TMEM120B: variants seen among roughly 807,000 people sequenced by gnomAD.
The protein encoded by TMEM120B is transmembrane protein 120B.
A neutral mutation model predicts 55.5 loss-of-function variants in TMEM120B; 31 were observed. That is an observed-to-expected ratio of 0.56 (90% CI 0.42 to 0.75). The LOEUF is 0.75. Among genes scored for constraint, TMEM120B ranks in the 30% least tolerant of loss-of-function variants. TMEM120B has a pLI of 0.00. For missense variants in TMEM120B, 399 were observed against 425.5 expected, an observed-to-expected ratio of 0.94 and a Z score of 0.55; for synonymous variants, 203 against 176.3, an observed-to-expected ratio of 1.15 and a Z score of -1.20.
intron 6 of TMEM120B, among the ~76,000 whole-genome samples, chr12:121,765,677 T>C (rs868814459): frequency 4.6e-5 from 7 of 152,288 alleles, no homozygotes; most frequent in Middle Eastern, 3.4e-3. Context: ...CTACAGGAGC[T>C]GGGGCCAGCT....
At chr12:121,713,234 T>TCGCTGCA (rs1371941326) in intron 1 of TMEM120B, among the ~76,000 whole-genome samples, 1 of 152,128 alleles carries the variant, frequency 6.6e-6, no homozygotes, top group Non-Finnish European at 1.5e-5. Context: ...TGCAGAAAGT[T>TCGCTGCA]GGTCTGTGGC....
At chr12:121,766,704 A>C (rs1334634842) in intron 6 of TMEM120B, among the ~76,000 whole-genome samples, 1 of 152,194 alleles carries the variant, frequency 6.6e-6, no homozygotes, top group Non-Finnish European at 1.5e-5. Flanking sequence ...ACCCAGACTG[A>C]GTGTGGGGGT....
chr12:121,748,144 G>GGC (rs1873153761), intron 2 of TMEM120B, among the ~76,000 whole-genome samples, 182 bp from the exon 3 acceptor site: 1 of 65,052 alleles, frequency 1.5e-5, no homozygotes, highest in Non-Finnish European at 3.2e-5. Flanking sequence ...GAAGGTGGGA[G>GGC]GCTGGGGTAG....
rs971000256 is a variant in TMEM120B, at chr12:121,746,798, C to CA, written c.189-1518dup. ...TGAAACCCCATCTCTTCTAAAAATA[C>CA]AAAAAAAAAATTAGCTGGGCGTGGT... On this transcript the variant is annotated intron_variant, in intron 2 of 11. Transcript: ENST00000449592. Among the ~76,000 whole-genome samples, 68 of 148,382 alleles carry CA rather than the reference C, an allele frequency of 4.6e-4. 1 individual carries two copies. In the East Asian group the frequency reaches 4.7e-3, roughly 10 times the overall value.
chr12:121,766,666 G>A (rs1056807017), intron 6 of TMEM120B, among the ~76,000 whole-genome samples: 6 of 152,198 alleles, frequency 3.9e-5, no homozygotes, highest in Admixed American at 1.3e-4. Flanking sequence ...TCATGTGCTT[G>A]GGTATAAGAC....
chr12:121,748,381 A>G lies in TMEM120B; in HGVS notation c.244A>G (p.Asn82Asp). Residue 82 changes from asparagine to aspartate, a missense_variant, in exon 3 of 12, where the codon AAC (asparagine) becomes GAC (aspartate). Coordinates refer to ENST00000449592, the MANE Select transcript of TMEM120B (RefSeq NM_001080825.2). Reference protein sequence around the residue: ...EAELVQQMAANIKERQDVFFD... With the variant: ...EAELVQQMAADIKERQDVFFD... The stretch of plus-strand genomic sequence containing the variant: ...GGAGCTCGTTCAGCAGATGGCAGCG[A>G]ACATCAAGGAGCGGCAGGACGTCTT... 6.2e-7 allele frequency: 1 copy of G among 1,611,140 alleles called. No homozygotes were observed.
chr12:121,755,130 T>A (rs1053008975), intron 5 of TMEM120B, among the ~76,000 whole-genome samples: 1 of 152,206 alleles, frequency 6.6e-6, no homozygotes, highest in African/African-American at 2.4e-5. Context: ...AGCTAGTGCG[T>A]CCACAGAGCA....
At position 121,712,937 on chromosome 12, in the gene TMEM120B, G is replaced by T; in HGVS notation, c.42G>T (p.Glu14Asp). The change falls in exon 1 of 12, where the codon GAG becomes GAT. Residue 14 changes from glutamate (E) to aspartate (D), a missense_variant. By Grantham distance (45) the Glu-to-Asp change is conservative (BLOSUM62 2). Transcript: ENST00000449592. ...AGCGTTGCGAGCGCGAATGGCACGAGCTGGAGGGAGAATTTCAAGAACTGC... is the reference window on the plus strand; with the variant it reads ...AGCGTTGCGAGCGCGAATGGCACGATCTGGAGGGAGAATTTCAAGAACTGC... ...QLERCEREWH[E>D]LEGEFQELQE... 6.5e-7 allele frequency: 1 copy of T among 1,541,042 alleles called. No individual in the cohort carries two copies. The highest frequency in any genetic ancestry group is 8.7e-7 in the Non-Finnish European group (1 of 1,150,514).
chr12:121,762,136 C>A (rs1270951465), intron 6 of TMEM120B, among the ~76,000 whole-genome samples: 1 of 151,954 alleles, frequency 6.6e-6, no homozygotes, highest in Non-Finnish European at 1.5e-5. Flanking sequence ...ACTAAAAATA[C>A]AAAAAATTAG....
Position 121,779,658 on chromosome 12 carries a change from A to G in TMEM120B, c.*3936A>G, listed in dbSNP as rs763438453. 8.1e-6 allele frequency: 13 copies of G among 1,613,844 alleles called. No individual in the cohort carries two copies. In the South Asian group the frequency reaches 1.4e-4, roughly 18 times the overall value. ...AGCTCGGATCTGTTCGCAGGCGCTC[A>G]GGCCCTGGGTGGGGGGAGGAGCCAG... On this transcript the variant is annotated 3_prime_UTR_variant, in exon 12 of 12. Coordinates refer to ENST00000449592, the MANE Select transcript of TMEM120B (RefSeq NM_001080825.2).
chr12:121,765,129 C>CTTTTTTTTTT (rs775861260), intron 6 of TMEM120B, among the ~76,000 whole-genome samples: 7 of 133,706 alleles, frequency 5.2e-5, no homozygotes, highest in Non-Finnish European at 8.0e-5. Context: ...TCTTTTCTTT[C>CTTTTTTTTTT]TTTTTTTTTT....
chr12:121,759,228 A>G (rs1206125612), intron 5 of TMEM120B, among the ~76,000 whole-genome samples: 1 of 147,234 alleles, frequency 6.8e-6, no homozygotes, highest in African/African-American at 2.6e-5. Flanking sequence ...TCCTGTTCTT[A>G]AAGTTCTCCC....
At chr12:121,745,246 G>C (rs563684096) in intron 2 of TMEM120B, among the ~76,000 whole-genome samples, 8 of 152,288 alleles carry the variant, frequency 5.3e-5, no homozygotes, top group African/African-American at 1.9e-4. Flanking sequence ...CTGCTGACTT[G>C]TTTTCTGGTT....
At chr12:121,745,493 C>G (rs1181235999) in intron 2 of TMEM120B, among the ~76,000 whole-genome samples, 2 of 151,274 alleles carry the variant, frequency 1.3e-5, no homozygotes, top group Non-Finnish European at 1.5e-5. Context: ...CGGGTTCAAG[C>G]AATTCTTCCT....
At chr12:121,745,882 G>A (rs1873066484) in intron 2 of TMEM120B, among the ~76,000 whole-genome samples, 1 of 151,988 alleles carries the variant, frequency 6.6e-6, no homozygotes. Context: ...TTGTTTTTGA[G>A]ATGGAGTTTT....
chr12:121,775,163 T>A lies in TMEM120B; in HGVS notation c.906+33T>A. ...GGGTGGGGGCATGCTCGGGGGAGGTTCCCGGGAGGGCTGGGGTGGCAGGGA... is the reference window on the plus strand; with the variant it reads ...GGGTGGGGGCATGCTCGGGGGAGGTACCCGGGAGGGCTGGGGTGGCAGGGA... On this transcript the variant is annotated intron_variant, in intron 11 of 11. Transcript: ENST00000449592. This position sits in a 1 kb window ranked among gnomAD's most constrained non-coding sequence, Gnocchi z 4.3. The A allele has an allele frequency of 2.5e-6, 1 of 406,126 alleles. No individual in the cohort carries two copies. Among genetic ancestry groups the A allele is most frequent in the Non-Finnish European group, 4.7e-6 (1 of 213,878 alleles). The allele number at this position is 406,126 out of a possible 1,614,324, so 25.2% of individuals were successfully genotyped here. A position where few individuals can be genotyped will look rare whatever the true frequency, so the allele number is the denominator to read the frequency against.
rs767872278 is a variant in TMEM120B at position 121,780,894 on chromosome 12, A to G, written c.*5172A>G. 1 of 1,613,686 alleles carries G rather than the reference A, an allele frequency of 6.2e-7. No homozygotes were observed. The highest frequency in any genetic ancestry group is 1.1e-5 in the South Asian group (1 of 90,996). ...CACCTGCATGTAGGTGATGGGCTCC[A>G]GCTGGGCGGCCCGGAGCTTCCGCAG... On this transcript the variant is annotated 3_prime_UTR_variant, in exon 12 of 12. Transcript: ENST00000449592.
rs1465819909 is a variant in TMEM120B at position 121,781,476 on chromosome 12, A to C, written c.*5754A>C. The stretch of plus-strand genomic sequence containing the variant: ...ACAGAGCGAGACCCTGTCTCTTAAC[A>C]ACAAAACCCATGAGCGGCAGCCCCC... On this transcript the variant is annotated 3_prime_UTR_variant, in exon 12 of 12. Transcript: ENST00000449592. 4 of 371,190 alleles carry C rather than the reference A, an allele frequency of 1.1e-5. No individual in the cohort carries two copies. The South Asian group carries it at 1.1e-4, about 10-fold the overall frequency. The allele number at this position is 371,190 out of a possible 1,614,324, so 23.0% of individuals were successfully genotyped here. A position where few individuals can be genotyped will look rare whatever the true frequency, so the allele number is the denominator to read the frequency against.
Position 121,780,065 on chromosome 12 carries a change from A to ATTT in TMEM120B, c.*4344_*4346dup, listed in dbSNP as rs1874392112. 6.0e-6 allele frequency: 1 copy of ATTT among 167,282 alleles called. No individual in the cohort carries two copies. Among genetic ancestry groups the ATTT allele is most frequent in the South Asian group, 1.6e-4 (1 of 6,088 alleles). The allele number at this position is 167,282 out of a possible 1,614,324, so 10.4% of individuals were successfully genotyped here. On this transcript the variant is annotated 3_prime_UTR_variant, in exon 12 of 12. Transcript: ENST00000449592. Reference sequence around the variant, plus strand: ...GGCAAATTAATTTGCCCTTTTATTTATTTATTTTTGAGATGGAGTTTTGCT... The same window carrying ATTT: ...GGCAAATTAATTTGCCCTTTTATTTATTTTTTATTTTTGAGATGGAGTTTTGCT...
Sources: allele counts gnomAD v4.1 joint callset (sites outside exome capture counted in the v4.1 genomes callset), GRCh38; gene constraint gnomAD v4.1.1; non-coding constraint Gnocchi (gnomAD v3.1); transcripts MANE v1.5; gene names NCBI Gene and HGNC (gene_info 2026-07-23, HGNC 2026-07-21).